Variants in GRK7 observed in about 807,000 individuals in gnomAD.
GRK7 encodes G protein-coupled receptor kinase 7.
GRK7 carries 24 observed loss-of-function variants against 34.1 expected under a neutral mutation model. The observed-to-expected ratio is 0.70, with a 90% CI of 0.51 to 0.99. GRK7 has a LOEUF of 0.99. Ranked by LOEUF, GRK7 falls within the 50% of genes least tolerant of loss-of-function variation. GRK7 has a pLI of 0.00. For synonymous variants in GRK7, 256 were observed against 279.4 expected (o/e 0.92, Z 0.84); for missense variants, 644 against 707.3 (o/e 0.91, Z 1.02).
At chr3:141,774,812 TATTA>T (rs1375060169) in intron 2 of GRK7, among the ~76,000 whole-genome samples, 132 bp downstream of exon 2, 1 of 130,206 alleles carries the variant, frequency 7.7e-6, no homozygotes, top group Non-Finnish European at 1.7e-5. Context: ...TTATTATTAT[TATTA>T]ATTATTATTA....
intron 5 of GRK7, among the ~76,000 whole-genome samples, chr3:141,808,912 G>T (rs146890941): frequency 6.6e-6 from 1 of 152,094 alleles, no homozygotes; most frequent in Non-Finnish European, 1.5e-5. Flanking sequence ...GCTGGGCACA[G>T]TGGCTCACAC....
chr3:141,780,593 T>A lies in GRK7; in HGVS notation c.832T>A (p.Phe278Ile). The A allele has an allele frequency of 6.2e-7, 1 of 1,614,194 alleles. No individual in the cohort carries two copies. The highest frequency in any genetic ancestry group is 8.5e-7 in the Non-Finnish European group (1 of 1,180,034). ...CCTGATGAATGGGGGAGACCTCAAG[T>A]TCCACATCTACAACGTGGGCACGCG... ...MSLMNGGDLK[F>I]HIYNVGTRGL... The change falls in exon 4 of 6, where the codon TTC becomes ATC. Residue 278 changes from phenylalanine (F) to isoleucine (I), a missense_variant. Transcript: ENST00000682958.
intron 4 of GRK7, among the ~76,000 whole-genome samples, chr3:141,789,587 G>A (rs1272470133): frequency 6.7e-6 from 1 of 148,174 alleles, no homozygotes; most frequent in African/African-American, 2.6e-5. Flanking sequence ...CTCATGGATC[G>A]AGAGCAGAAG....
At chr3:141,808,899 C>T (rs1711063730) in intron 5 of GRK7, among the ~76,000 whole-genome samples, 1 of 152,082 alleles carries the variant, frequency 6.6e-6, no homozygotes, top group South Asian at 2.1e-4. Flanking sequence ...ATAATTAAAA[C>T]AGGCTGGGCA....
At chr3:141,804,069 G>C (rs548799348) in intron 4 of GRK7, among the ~76,000 whole-genome samples, 1 of 152,220 alleles carries the variant, frequency 6.6e-6, no homozygotes, top group South Asian at 2.1e-4. Flanking sequence ...CATTTTACTA[G>C]ATTTGCTTTA....
intron 3 of GRK7, among the ~76,000 whole-genome samples, 181 bp downstream of exon 3, chr3:141,779,077 C>CAT (rs771314801): frequency 1.2e-4 from 18 of 152,102 alleles, no homozygotes; most frequent in Non-Finnish European, 2.6e-4. Flanking sequence ...AAATAAAACA[C>CAT]AAATGGCATG....
the GRK7 span, among the ~76,000 whole-genome samples, chr3:141,755,031 A>G: frequency 9.2e-5 from 14 of 152,350 alleles, no homozygotes; most frequent in South Asian, 2.7e-3. Context: ...ATGTTACATA[A>G]GCTGTAACAC....
chr3:141,781,092 A>C (rs1257377834), intron 4 of GRK7, among the ~76,000 whole-genome samples: 2 of 152,100 alleles, frequency 1.3e-5, no homozygotes, highest in African/African-American at 4.8e-5. Context: ...AAAAAGCTGA[A>C]TCCATAGTCA....
intron 4 of GRK7, among the ~76,000 whole-genome samples, chr3:141,792,457 A>C (rs1473551684): frequency 6.6e-6 from 1 of 152,088 alleles, no homozygotes; most frequent in African/African-American, 2.4e-5. Flanking sequence ...ATTAAATATC[A>C]CTTATGATAA....
At position 141,778,473 on chromosome 3, in the gene GRK7, G is replaced by A. The variant is rs1317731114; in HGVS notation, c.189G>A (p.Gln63=). Reference sequence around the variant, plus strand: ...ACTTCCACAGCCTGTGTGAGCAGCAGCCCATCGGTCGCCGCCTCTTCCGTG... The same window carrying A: ...ACTTCCACAGCCTGTGTGAGCAGCAACCCATCGGTCGCCGCCTCTTCCGTG... The part of the protein sequence containing the change: ...SLNFHSLCEQ[Q]PIGRRLFRDF... Residue 63 remains glutamine, a synonymous_variant, in exon 3 of 6, where the codon CAG becomes CAA. Transcript: ENST00000682958. This position sits in a 1 kb window ranked among gnomAD's most constrained non-coding sequence, Gnocchi z 4.1. 1 of 1,613,056 alleles carries A rather than the reference G, an allele frequency of 6.2e-7. No homozygotes were observed. The highest frequency in any genetic ancestry group is 8.5e-7 in the Non-Finnish European group (1 of 1,179,944).
intron 1 of GRK7, among the ~76,000 whole-genome samples, 88 bp from the exon 2 acceptor site, chr3:141,774,492 T>C (rs2084630434): frequency 6.6e-6 from 1 of 152,112 alleles, no homozygotes. Flanking sequence ...AAGAAGTTCA[T>C]AGCATACATG....
upstream of GRK7, among the ~76,000 whole-genome samples, chr3:141,760,480 T>C (rs368159766): frequency 2.6e-5 from 3 of 116,044 alleles, no homozygotes; most frequent in Non-Finnish European, 3.5e-5. Context: ...GTCTGAGAGA[T>C]AGTTTGTTAT....
chr3:141,776,081 G>A (rs1049869729), intron 2 of GRK7, among the ~76,000 whole-genome samples: 1 of 152,028 alleles, frequency 6.6e-6, no homozygotes, highest in Admixed American at 6.6e-5. Flanking sequence ...TCAGGAGATC[G>A]AGACCATCAT....
At chr3:141,793,020 C>T (rs935468524) in intron 4 of GRK7, among the ~76,000 whole-genome samples, 6 of 152,198 alleles carry the variant, frequency 3.9e-5, no homozygotes, top group African/African-American at 4.8e-5. Context: ...GGGAGTGTGG[C>T]TCACCCCAGC....
intron 4 of GRK7, among the ~76,000 whole-genome samples, chr3:141,800,759 A>G (rs1298220611): frequency 1.3e-5 from 2 of 152,214 alleles, no homozygotes; most frequent in Non-Finnish European, 2.9e-5. Context: ...AGTAACAGAA[A>G]TCAAAAAGTG....
At chr3:141,751,958 T>C in the GRK7 span, among the ~76,000 whole-genome samples, 1 of 152,374 alleles carries the variant, frequency 6.6e-6, no homozygotes, top group African/African-American at 2.4e-5. Flanking sequence ...AAATCTGTTT[T>C]AAGTGACCTT....
At chr3:141,795,234 C>CA (rs1336880646) in intron 4 of GRK7, among the ~76,000 whole-genome samples, 1 of 152,172 alleles carries the variant, frequency 6.6e-6, no homozygotes, top group Non-Finnish European at 1.5e-5. Flanking sequence ...GTGATTGTGC[C>CA]AAACTTCCTG....
At position 141,779,409 on chromosome 3, in the gene GRK7, C is replaced by CAA. The variant is rs10626329; in HGVS notation, c.612+529_612+530dup. On this transcript the variant is annotated intron_variant, in intron 3 of 5. Transcript: ENST00000682958. ...CCAGCCTGGGTGACAGAGCAAGACT[C>CAA]AAAAAAAAAAAAAAAAAGAAAGAAA... Among the ~76,000 whole-genome samples the CAA allele has an allele frequency of 5.5e-3, 526 of 96,490 alleles. 20 individuals are homozygous for CAA. The highest frequency in any genetic ancestry group is 0.02 in the African/African-American group (484 of 23,636). The allele number at this position is 96,490 out of a possible 152,430, so 63.3% of individuals were successfully genotyped here.
chr3:141,807,267 A>G (rs1331794387), intron 4 of GRK7, among the ~76,000 whole-genome samples: 3 of 152,232 alleles, frequency 2.0e-5, no homozygotes, highest in Non-Finnish European at 4.4e-5. Flanking sequence ...TGAATTTTTA[A>G]AAAAGCAGAG....
Sources: allele counts gnomAD v4.1 joint callset (sites outside exome capture counted in the v4.1 genomes callset), GRCh38; gene constraint gnomAD v4.1.1; non-coding constraint Gnocchi (gnomAD v3.1); transcripts MANE v1.5; gene names NCBI Gene and HGNC (gene_info 2026-07-23, HGNC 2026-07-21).